The following KNDC1 variants were observed in gnomAD, a reference collection of about 807,000 sequenced individuals.
KNDC1 encodes kinase non-catalytic C-lobe domain-containing protein 1.
In KNDC1, 106 loss-of-function variants were observed where a neutral mutation model predicts 172.8. The observed-to-expected ratio is 0.61, with a 90% CI of 0.52 to 0.72. The LOEUF (loss-of-function observed/expected upper bound fraction) is 0.72, where lower values mean the gene tolerates loss of function less well. Ranked by LOEUF, KNDC1 falls within the 30% of genes least tolerant of loss-of-function variation. The pLI, the probability that KNDC1 is intolerant of heterozygous loss-of-function variation, is 0.00. For synonymous variants in KNDC1, 1,083 were observed against 1,062.2 expected, an observed-to-expected ratio of 1.02 and a Z score of -0.38; for missense variants, 2,325 against 2,394.5, an observed-to-expected ratio of 0.97 and a Z score of 0.61.
rs746542309 is a variant in KNDC1 at position 133,224,757 on chromosome 10, T to C, written c.5117T>C (p.Ile1706Thr). 50 of 1,613,958 alleles carry C rather than the reference T, an allele frequency of 3.1e-5. No individual in the cohort carries two copies. The highest frequency in any genetic ancestry group is 6.7e-5 in the African/African-American group (5 of 74,920). Residue 1706 changes from isoleucine (I) to threonine (T), a missense_variant, in exon 30 of 30, where the codon ATT becomes ACT. Coordinates refer to ENST00000304613, the MANE Select transcript of KNDC1 (RefSeq NM_152643.8). This position sits in a 1 kb window ranked among gnomAD's most constrained non-coding sequence, Gnocchi z 5.4. Reference protein sequence around the residue: ...PKLQSYLKQRIARFSGADIST... With the variant: ...PKLQSYLKQRTARFSGADIST... Reference sequence around the variant, plus strand: ...CTCCAGTCGTACCTCAAGCAGAGGATTGCCCGCTTCAGCGGTGCCGACATT... The same window carrying C: ...CTCCAGTCGTACCTCAAGCAGAGGACTGCCCGCTTCAGCGGTGCCGACATT...
In KNDC1 at chr10:133,198,459, T is replaced by G. The variant is rs1854258439; in HGVS notation, c.2029T>G (p.Phe677Val). 12 of 1,606,558 alleles carry G rather than the reference T, an allele frequency of 7.5e-6. No individual in the cohort carries two copies. Among genetic ancestry groups the G allele is most frequent in the African/African-American group, 2.7e-5 (2 of 74,988 alleles). ...AGCGTTCACCTCCGAGGCCACGCAC[T>G]TCAAGCCCATTGTCCTCGCGCAGAA... ...PAAFTSEATHFKPIVLAQNAS... is the reference protein window; with the variant it reads ...PAAFTSEATHVKPIVLAQNAS... Residue 677 changes from phenylalanine to valine, a missense_variant, in exon 13 of 30, where the codon TTC becomes GTC. By Grantham distance (50) the Phe-to-Val change is conservative. Coordinates refer to ENST00000304613, the MANE Select transcript of KNDC1 (RefSeq NM_152643.8).
intron 5 of KNDC1, among the ~76,000 whole-genome samples, chr10:133,184,521 TCA>T (rs1451657295): frequency 6.6e-6 from 1 of 152,244 alleles, no homozygotes; most frequent in African/African-American, 2.4e-5. Flanking sequence ...TCACTCTTGC[TCA>T]CAGTCACACA....
At chr10:133,172,327 A>T (rs1853401667) in intron 3 of KNDC1, among the ~76,000 whole-genome samples, 2 of 152,198 alleles carry the variant, frequency 1.3e-5, no homozygotes, top group Admixed American at 1.3e-4. Flanking sequence ...GCATCCTTTG[A>T]CATGATCCTT....
Position 133,209,112 on chromosome 10 carries a change from A to G in KNDC1, c.3795-1499A>G, listed in dbSNP as rs1205363404. The stretch of plus-strand genomic sequence containing the variant: ...CTTGCGTGCCCATGTATGGTGTGTG[A>G]TGTGGAGTATTGTGTGGCGTGTGTG... On this transcript the variant is annotated intron_variant, in intron 20 of 29. Coordinates refer to ENST00000304613, the MANE Select transcript of KNDC1 (RefSeq NM_152643.8). The surrounding 1 kb of genome is among the most constrained non-coding windows in gnomAD (Gnocchi z 4.9). Among the ~76,000 whole-genome samples, 1 of 145,860 alleles carries G rather than the reference A, an allele frequency of 6.9e-6. No homozygotes were observed. Among genetic ancestry groups the G allele is most frequent in the Non-Finnish European group, 1.5e-5 (1 of 66,520 alleles).
At position 133,183,962 on chromosome 10, in the gene KNDC1, T is replaced by TC. The variant is rs1853801941; in HGVS notation, c.600dup (p.Ile201HisfsTer36). 6.3e-7 allele frequency: 1 copy of TC among 1,596,350 alleles called. No homozygotes were observed. The highest frequency in any genetic ancestry group is 1.3e-5 in the African/African-American group (1 of 74,472). ...CTCTGCTGTGGGGAGGAGGGTCCTC[T>TC]CCATCGAGTCCTTCGGAGCGCTGCA... On this transcript the variant is annotated frameshift_variant, in exon 5 of 30. Transcript: ENST00000304613. LOFTEE classifies it high-confidence loss of function.
chr10:133,170,534 G>C (rs1853344605), intron 3 of KNDC1, among the ~76,000 whole-genome samples: 1 of 152,222 alleles, frequency 6.6e-6, no homozygotes. Context: ...ACCCTAAAAA[G>C]TATTGTCTGC....
intron 1 of KNDC1, among the ~76,000 whole-genome samples, chr10:133,161,430 A>G (rs1282176743): frequency 3.9e-5 from 6 of 152,134 alleles, no homozygotes; most frequent in Non-Finnish European, 8.8e-5. Flanking sequence ...AAAGCCGGCC[A>G]AGTAAGCCTG....
intron 16 of KNDC1, 143 bp from the exon 17 acceptor site, chr10:133,201,358 G>C: frequency 1.1e-6 from 1 of 872,084 alleles, no homozygotes; most frequent in Non-Finnish European, 1.8e-6. Flanking sequence ...GGCGGCAGCC[G>C]TGCCCGGGGG....
At position 133,201,384 on chromosome 10, in the gene KNDC1, G is replaced by A. The variant is rs533197403; in HGVS notation, c.2990-117G>A. The A allele has an allele frequency of 6.2e-4, 704 of 1,140,676 alleles. 1 individual carries two copies. Among genetic ancestry groups the A allele is most frequent in the African/African-American group, 4.4e-3 (283 of 63,598 alleles). The allele number at this position is 1,140,676 out of a possible 1,614,324, so 70.7% of individuals were successfully genotyped here. ...TGCCCGGGGGGCGCCCGTGGTGGGC[G>A]GGTGCAAGAGAGAAGGGCGTCGGGT... On this transcript the variant is annotated intron_variant, in intron 16 of 29. Coordinates refer to ENST00000304613, the MANE Select transcript of KNDC1 (RefSeq NM_152643.8).
At position 133,170,019 on chromosome 10, in the gene KNDC1, A is replaced by G. The variant is rs560471978; in HGVS notation, c.360+1707A>G. ...CTGAAAAGACTTGAGGCCATCTGTG[A>G]TCTTCCAGGACTTCCTTTTATGTAT... On this transcript the variant is annotated intron_variant, in intron 3 of 29. Transcript: ENST00000304613. 2.0e-5 allele frequency among the ~76,000 whole-genome samples: 3 copies of G among 152,282 alleles called. No individual in the cohort carries two copies. The South Asian group carries it at 6.2e-4, about 32-fold the overall frequency.
intron 28 of KNDC1, 72 bp downstream of exon 28, chr10:133,219,162 G>C (rs990010992): frequency 9.1e-6 from 14 of 1,538,468 alleles, no homozygotes; most frequent in African/African-American, 1.4e-5. Flanking sequence ...GCTGTGCAGA[G>C]CCTGCCGCAC....
At chr10:133,217,932 C>T (rs75196714) in intron 26 of KNDC1, among the ~76,000 whole-genome samples, 2,392 of 152,158 alleles carry the variant, frequency 0.016, 70 homozygotes, top group African/African-American at 0.055. Flanking sequence ...AAAATTATCA[C>T]GCCTGTAATC....
At chr10:133,179,739 G>T (rs1202520392) in intron 3 of KNDC1, among the ~76,000 whole-genome samples, 1 of 152,180 alleles carries the variant, frequency 6.6e-6, no homozygotes, top group Non-Finnish European at 1.5e-5. Flanking sequence ...CGCAGGCGCC[G>T]TGGGAGCTGC....
In KNDC1 at chr10:133,201,595, A is replaced by T; in HGVS notation, c.3084A>T (p.Gly1028=). 1.2e-6 allele frequency: 2 copies of T among 1,613,000 alleles called. No individual in the cohort carries two copies. Among genetic ancestry groups the T allele is most frequent in the Non-Finnish European group, 1.7e-6 (2 of 1,179,936 alleles). Reference sequence around the variant, plus strand: ...TGGACTCGGACGCACTGTCACGGGGAAACTTCGAGGTGGGGTTTCGGCCTC... The same window carrying T: ...TGGACTCGGACGCACTGTCACGGGGTAACTTCGAGGTGGGGTTTCGGCCTC... ...SDVDSDALSR[G]NFEVGFRPQR... The change falls in exon 17 of 30, where the codon GGA becomes GGT. Residue 1028 remains glycine (G), a synonymous_variant. Coordinates refer to ENST00000304613, the MANE Select transcript of KNDC1 (RefSeq NM_152643.8).
intron 25 of KNDC1, 57 bp downstream of exon 25, chr10:133,213,784 G>A (rs548047795): frequency 4.4e-5 from 68 of 1,541,290 alleles, no homozygotes; most frequent in Middle Eastern, 1.7e-4. Context: ...GGGGCTTCCC[G>A]TAAGAGTCTT....
chr10:133,205,806 A>C lies in KNDC1; in HGVS notation c.3388-879A>C, dbSNP rs529127120. Among the ~76,000 whole-genome samples, 392 of 152,250 alleles carry C rather than the reference A, an allele frequency of 2.6e-3. 2 individuals carry two copies. The highest frequency in any genetic ancestry group is 8.5e-3 in the African/African-American group (353 of 41,538). On this transcript the variant is annotated intron_variant, in intron 17 of 29. Transcript: ENST00000304613. ...GTTGTGATCGCGCCACTGCACTCCC[A>C]CCTGGGCAGCAGAGCGAATCGGGCC...
At chr10:133,214,352 G>GCCACATCCACGGCCACAT (rs972762983) in intron 26 of KNDC1, among the ~76,000 whole-genome samples, 2 of 152,144 alleles carry the variant, frequency 1.3e-5, no homozygotes, top group African/African-American at 4.8e-5. Context: ...AGCACTGCCT[G>GCCACATCCACGGCCACAT]CCACATCCAC....
At chr10:133,170,350 G>A (rs566527008) in intron 3 of KNDC1, among the ~76,000 whole-genome samples, 30 of 152,306 alleles carry the variant, frequency 2.0e-4, no homozygotes, top group African/African-American at 6.7e-4. Context: ...CGTGGCAGGG[G>A]CCTGGGATCT....
chr10:133,218,963 C>T lies in KNDC1; in HGVS notation c.4800+10C>T. On this transcript the variant is annotated intron_variant, in intron 27 of 29. Coordinates refer to ENST00000304613, the MANE Select transcript of KNDC1 (RefSeq NM_152643.8). ...CGTGAGGCAGTCCCCTGTGCGTCCC[C>T]CTCGGGCCCCAAGGCGGGGGTGGGT... The T allele has an allele frequency of 1.2e-6, 2 of 1,613,750 alleles. No individual in the cohort carries two copies. The highest frequency in any genetic ancestry group is 1.1e-5 in the South Asian group (1 of 91,078).
Sources: allele counts gnomAD v4.1 joint callset (sites outside exome capture counted in the v4.1 genomes callset), GRCh38; gene constraint gnomAD v4.1.1; non-coding constraint Gnocchi (gnomAD v3.1); transcripts MANE v1.5; gene names NCBI Gene and HGNC (gene_info 2026-07-23, HGNC 2026-07-21).